DDX4: variants seen among roughly 807,000 people sequenced by gnomAD.
The protein encoded by DDX4 is probable ATP-dependent RNA helicase DDX4.
A neutral mutation model predicts 100.0 loss-of-function variants in DDX4; 25 were observed. The observed-to-expected ratio is 0.25, with a 90% CI of 0.18 to 0.35. The LOEUF is 0.35. Ranked by LOEUF, DDX4 falls within the 10% of genes least tolerant of loss-of-function variation. The pLI is 1.00. For synonymous variants in DDX4, 259 were observed against 275.7 expected, an observed-to-expected ratio of 0.94 and a Z score of 0.60; for missense variants, 635 against 882.4, an observed-to-expected ratio of 0.72 and a Z score of 3.55.
chr5:55,767,792 A>G (rs1741014816), intron 6 of DDX4, 89 bp from the exon 7 acceptor site: 4 of 867,710 alleles, frequency 4.6e-6, no homozygotes, highest in Non-Finnish European at 7.1e-6. Context: ...TTGTCTTCTT[A>G]CTAATTTATC....
chr5:55,802,465 C>T (rs1743376063), intron 18 of DDX4, among the ~76,000 whole-genome samples: 1 of 152,110 alleles, frequency 6.6e-6, no homozygotes, highest in African/African-American at 2.4e-5. Context: ...TCCATAAGCT[C>T]ATTCAGTCCT....
chr5:55,743,532 C>T (rs1759096684), intron 2 of DDX4, among the ~76,000 whole-genome samples: 2 of 152,106 alleles, frequency 1.3e-5, no homozygotes, highest in Non-Finnish European at 1.5e-5. Flanking sequence ...TGGGTTCAGG[C>T]GATTCTCCTG....
intron 18 of DDX4, among the ~76,000 whole-genome samples, chr5:55,800,545 TG>T (rs1245077955): frequency 6.6e-6 from 1 of 152,060 alleles, no homozygotes; most frequent in Non-Finnish European, 1.5e-5. Context: ...AGGATGGTCT[TG>T]ATCTCCTGAC....
intron 7 of DDX4, among the ~76,000 whole-genome samples, chr5:55,777,889 A>C (rs946809142): frequency 1.1e-4 from 16 of 152,220 alleles, no homozygotes; most frequent in Non-Finnish European, 8.8e-5. Context: ...ACAATATACT[A>C]AGATGCACAA....
In DDX4 at chr5:55,792,723, A is replaced by G; in HGVS notation, c.1385A>G (p.Lys462Arg). ...ATGGGTTTTGGTCCAGAAATGAAGA[A>G]GTTAATTTCTTGCCCAGGAATGCCA... ...LDMGFGPEMKKLISCPGMPSK... is the reference protein window; with the variant it reads ...LDMGFGPEMKRLISCPGMPSK... The change falls in exon 17 of 22, where the codon AAG becomes AGG. Residue 462 changes from lysine to arginine, a missense_variant. By Grantham distance (26) the Lys-to-Arg change is conservative. Coordinates refer to ENST00000505374, the MANE Select transcript of DDX4 (RefSeq NM_024415.3). The G allele has an allele frequency of 1.2e-6, 2 of 1,603,468 alleles. No homozygotes were observed. Among genetic ancestry groups the G allele is most frequent in the Non-Finnish European group, 1.7e-6 (2 of 1,173,526 alleles).
At chr5:55,788,032 G>GT (rs1436708691) in intron 15 of DDX4, 32 bp downstream of exon 15, 3 of 1,546,998 alleles carry the variant, frequency 1.9e-6, no homozygotes, top group Non-Finnish European at 2.6e-6. Flanking sequence ...TCACAAAATA[G>GT]TTTTTTCTTT....
At position 55,759,393 on chromosome 5, in the gene DDX4, C is replaced by T. The variant is rs556526426; in HGVS notation, c.128-807C>T. Among the ~76,000 whole-genome samples, 151 of 151,296 alleles carry T rather than the reference C, an allele frequency of 1.0e-3. No homozygotes were observed. In the Middle Eastern group the frequency reaches 0.01, roughly 10 times the overall value. ...TTATATAGAAATGTTTTTAAAAATA[C>T]GTCACCAAATGGGATTTTAAACAAT... On this transcript the variant is annotated intron_variant, in intron 3 of 21. Transcript: ENST00000505374.
intron 15 of DDX4, 94 bp downstream of exon 15, chr5:55,788,094 G>A: frequency 1.9e-6 from 2 of 1,074,084 alleles, no homozygotes; most frequent in South Asian, 1.9e-5. Context: ...ATGCACTCAT[G>A]TAATTTTTAG....
At chr5:55,805,493 G>A (rs1314521199) in intron 18 of DDX4, among the ~76,000 whole-genome samples, 5 of 151,680 alleles carry the variant, frequency 3.3e-5, no homozygotes, top group African/African-American at 7.3e-5. Context: ...TTTGAAATAC[G>A]TCCCATCAAT....
At chr5:55,771,042 G>A (rs748003501) in intron 7 of DDX4, among the ~76,000 whole-genome samples, 4 of 152,024 alleles carry the variant, frequency 2.6e-5, no homozygotes, top group Non-Finnish European at 5.9e-5. Context: ...CATTTTGCAG[G>A]GTATCCCTGA....
chr5:55,813,397 A>G (rs1166599843), intron 18 of DDX4, among the ~76,000 whole-genome samples: 2 of 152,202 alleles, frequency 1.3e-5, no homozygotes, highest in East Asian at 3.8e-4. Context: ...GCAGGCAGAT[A>G]TGATTTACCT....
At chr5:55,760,384 GT>G (rs1302792695) in intron 4 of DDX4, 107 bp downstream of exon 4, 2 of 1,133,208 alleles carry the variant, frequency 1.8e-6, no homozygotes, top group African/African-American at 3.3e-5. Flanking sequence ...AAGTCAGTGT[GT>G]AGTAGACTTG....
intron 21 of DDX4, 82 bp downstream of exon 21, chr5:55,815,505 A>T: frequency 6.8e-7 from 1 of 1,460,236 alleles, no homozygotes; most frequent in Non-Finnish European, 9.0e-7. Flanking sequence ...AGTAACTATA[A>T]TATTTAATAA....
chr5:55,796,823 C>CTTTT (rs3990072), intron 17 of DDX4, among the ~76,000 whole-genome samples: 1,127 of 59,914 alleles, frequency 0.019, 106 homozygotes, highest in Middle Eastern at 0.033. Flanking sequence ...TTCTTTCTTT[C>CTTTT]TTTTTTTTTT....
chr5:55,808,935 A>T (rs1743932033), intron 18 of DDX4, among the ~76,000 whole-genome samples: 1 of 152,232 alleles, frequency 6.6e-6, no homozygotes, highest in Admixed American at 6.5e-5. Context: ...AGAGGCAGGC[A>T]GGCCTCCCTG....
At chr5:55,816,405 C>T (rs1411528831) in intron 21 of DDX4, 58 bp from the exon 22 acceptor site, 3 of 1,534,132 alleles carry the variant, frequency 2.0e-6, no homozygotes, top group African/African-American at 2.8e-5. Flanking sequence ...AACTTTAAAG[C>T]TGTCATAAAA....
chr5:55,774,208 G>A (rs1255216728), intron 7 of DDX4, among the ~76,000 whole-genome samples: 1 of 150,922 alleles, frequency 6.6e-6, no homozygotes. Context: ...CTGGGGTGCA[G>A]TGGCACAGTC....
At chr5:55,784,800 T>C (rs1274712406) in intron 10 of DDX4, among the ~76,000 whole-genome samples, 1 of 152,254 alleles carries the variant, frequency 6.6e-6, no homozygotes, top group Non-Finnish European at 1.5e-5. Context: ...AGCTCATTGC[T>C]GGGAGAACTA....
chr5:55,750,264 C>G (rs1759472408), intron 3 of DDX4: 1 of 156,956 alleles, frequency 6.4e-6, no homozygotes, highest in Non-Finnish European at 1.4e-5. Flanking sequence ...TATTGAAGGT[C>G]TTGGGAATGT....
Sources: gnomAD v4.1 joint callset for allele counts (sites outside exome capture counted in the v4.1 genomes callset) on GRCh38, gnomAD v4.1.1 for gene constraint, MANE v1.5 for transcripts, NCBI Gene and HGNC (gene_info 2026-07-23, HGNC 2026-07-21) for gene names.